Variants in CMTM6 observed in about 807,000 individuals in gnomAD.
CMTM6 encodes CKLF-like MARVEL transmembrane domain-containing protein 6.
In CMTM6, 5 loss-of-function variants were observed where a neutral mutation model predicts 13.6. That is an observed-to-expected ratio of 0.37 (90% confidence interval 0.19 to 0.77). CMTM6 has a LOEUF of 0.77. Among genes scored for constraint, CMTM6 ranks in the 30% least tolerant of loss-of-function variants. The pLI is 0.50. For missense variants in CMTM6, 196 were observed against 218.6 expected, an observed-to-expected ratio of 0.90 and a Z score of 0.65; for synonymous variants, 99 against 84.5, an observed-to-expected ratio of 1.17 and a Z score of -0.94.
rs1371896237 is a variant in CMTM6 at position 32,499,404 on chromosome 3, T to C, written c.138+3204A>G. On this transcript the variant is annotated intron_variant, in intron 1 of 3. Coordinates refer to ENST00000205636, the MANE Select transcript of CMTM6 (RefSeq NM_017801.3). ...GCCAGATGAGCGACTAGAATTCCAG[T>C]ACTGTGCAGCTATCAGGATAGTCAA... Among the ~76,000 whole-genome samples the C allele has an allele frequency of 2.6e-5, 4 of 152,212 alleles. No homozygotes were observed. The East Asian group carries it at 7.7e-4, about 29-fold the overall frequency.
intron 1 of CMTM6, among the ~76,000 whole-genome samples, chr3:32,501,864 C>G (rs1175710795): frequency 6.6e-6 from 1 of 152,214 alleles, no homozygotes; most frequent in Non-Finnish European, 1.5e-5. Context: ...GCCAACACGA[C>G]TGTAAAGTGA....
rs114981531 is a variant in CMTM6 at position 32,485,201 on chromosome 3, A to T, written c.415-1104T>A. On this transcript the variant is annotated intron_variant, in intron 3 of 3. Coordinates refer to ENST00000205636, the MANE Select transcript of CMTM6 (RefSeq NM_017801.3). The stretch of plus-strand genomic sequence containing the variant: ...CTCTGATCACCACAAGTCATCTTCT[A>T]GCTCTTTTGTTCACACACTTCTGAA... Among the ~76,000 whole-genome samples the T allele has an allele frequency of 6.7e-3, 1,012 of 151,864 alleles. 16 individuals carry two copies. Among genetic ancestry groups the T allele is most frequent in the African/African-American group, 0.023 (964 of 41,386 alleles).
chr3:32,488,235 G>A (rs1453394666), intron 2 of CMTM6, 199 bp from the exon 3 acceptor site: 1 of 479,032 alleles, frequency 2.1e-6, no homozygotes. Flanking sequence ...TATCCACACT[G>A]GGCTGGGATT....
intron 2 of CMTM6, among the ~76,000 whole-genome samples, chr3:32,491,359 A>G (rs1365001941): frequency 6.6e-6 from 1 of 152,260 alleles, no homozygotes; most frequent in Non-Finnish European, 1.5e-5. Context: ...AATGCCTGGC[A>G]TATAATAAAG....
intron 1 of CMTM6, among the ~76,000 whole-genome samples, chr3:32,494,483 A>AT (rs1215433045): frequency 6.6e-6 from 1 of 152,236 alleles, no homozygotes; most frequent in African/African-American, 2.4e-5. Flanking sequence ...AACTAAGCAT[A>AT]TATCTACCAT....
chr3:32,485,357 T>C (rs1484029436), intron 3 of CMTM6, among the ~76,000 whole-genome samples: 1 of 152,106 alleles, frequency 6.6e-6, no homozygotes, highest in Non-Finnish European at 1.5e-5. Context: ...CTATTAAATA[T>C]ATCCAATGAA....
At chr3:32,491,689 A>G in intron 2 of CMTM6, 21 bp downstream of exon 2, 1 of 1,570,560 alleles carries the variant, frequency 6.4e-7, no homozygotes, top group South Asian at 1.2e-5. Context: ...TAATACAGGG[A>G]TGATATTTTC....
Position 32,491,893 on chromosome 3 carries a change from A to G in CMTM6, c.139-7T>C, listed in dbSNP as rs763077724. 2 of 1,597,550 alleles carry G rather than the reference A, an allele frequency of 1.3e-6. No individual in the cohort carries two copies. Among genetic ancestry groups the G allele is most frequent in the South Asian group, 1.1e-5 (1 of 89,094 alleles). ...AGGCCAGCAGAGACAGCAACTACAA[A>G]TGAAGCAAAACATTTTACTTAAGTG... On this transcript the variant is annotated splice_region_variant and splice_polypyrimidine_tract_variant and intron_variant, in intron 1 of 3. Coordinates refer to ENST00000205636, the MANE Select transcript of CMTM6 (RefSeq NM_017801.3).
At chr3:32,497,370 G>A (rs528346865) in intron 1 of CMTM6, among the ~76,000 whole-genome samples, 34 of 126,862 alleles carry the variant, frequency 2.7e-4, no homozygotes, top group Admixed American at 7.3e-4. Flanking sequence ...GGGCAACAGC[G>A]AGACTCTGTC....
intron 1 of CMTM6, among the ~76,000 whole-genome samples, chr3:32,496,172 G>C (rs903243639): frequency 6.8e-6 from 1 of 147,748 alleles, no homozygotes; most frequent in Admixed American, 6.9e-5. Flanking sequence ...CTACACTCCA[G>C]CCTGGGTGAC....
chr3:32,502,730 C>G lies in CMTM6; in HGVS notation c.16G>C (p.Val6Leu). 6.7e-7 allele frequency: 1 copy of G among 1,503,182 alleles called. No homozygotes were observed. The highest frequency in any genetic ancestry group is 8.9e-7 in the Non-Finnish European group (1 of 1,129,410). The allele number at this position is 1,503,182 out of a possible 1,614,324, so 93.1% of individuals were successfully genotyped here. A position where few individuals can be genotyped will look rare whatever the true frequency, so the allele number is the denominator to read the frequency against. Residue 6 changes from valine to leucine, a missense_variant, in exon 1 of 4, where the codon GTG becomes CTG. Val to Leu is a conservative substitution (Grantham distance 32). Around this residue, in one of 2 missense-constraint regions of CMTM6, gnomAD observed 85 missense variants for 58.7 expected, o/e 1.45. Transcript: ENST00000205636. ...TCCTCCTCCGTAGTGGGGCTGTACACCGCTCCGTTCTCCATCGCCTCGGGC... is the reference window on the plus strand; with the variant it reads ...TCCTCCTCCGTAGTGGGGCTGTACAGCGCTCCGTTCTCCATCGCCTCGGGC... MENGA[V>L]YSPTTEEDPG...
intron 3 of CMTM6, among the ~76,000 whole-genome samples, chr3:32,486,056 TTAG>T (rs1171352480): frequency 6.6e-6 from 1 of 152,182 alleles, no homozygotes; most frequent in Non-Finnish European, 1.5e-5. Context: ...TTTTGTATTT[TTAG>T]TAGAGACAAG....
intron 2 of CMTM6, among the ~76,000 whole-genome samples, chr3:32,489,191 A>G (rs895004494): frequency 2.0e-5 from 3 of 146,900 alleles, no homozygotes; most frequent in Non-Finnish European, 4.4e-5. Context: ...AATCACTTGA[A>G]CCCAGGAGGC....
At chr3:32,485,336 ACTAC>A (rs551902900) in intron 3 of CMTM6, among the ~76,000 whole-genome samples, 1 of 152,094 alleles carries the variant, frequency 6.6e-6, no homozygotes, top group African/African-American at 2.4e-5. Context: ...AGCTTTTTAA[ACTAC>A]CTGTCACTAT....
chr3:32,484,973 A>C (rs1697190105), intron 3 of CMTM6, among the ~76,000 whole-genome samples: 1 of 152,066 alleles, frequency 6.6e-6, no homozygotes, highest in South Asian at 2.1e-4. Flanking sequence ...AAATTCATTA[A>C]GTCCCCCAGA....
At chr3:32,499,274 C>T (rs2125659906) in intron 1 of CMTM6, among the ~76,000 whole-genome samples, 1 of 152,256 alleles carries the variant, frequency 6.6e-6, no homozygotes, top group East Asian at 1.9e-4. Context: ...AAAAGAGCAT[C>T]AATATAAGAA....
At chr3:32,495,331 G>C (rs527788904) in intron 1 of CMTM6, among the ~76,000 whole-genome samples, 12 of 152,238 alleles carry the variant, frequency 7.9e-5, no homozygotes, top group Non-Finnish European at 1.6e-4. Flanking sequence ...AGGATATAAA[G>C]TGACAACACC....
intron 1 of CMTM6, among the ~76,000 whole-genome samples, chr3:32,498,062 A>C (rs145073743): frequency 0.014 from 2,187 of 152,296 alleles, 26 homozygotes; most frequent in Non-Finnish European, 0.021. Context: ...AATAGCATGA[A>C]GTCATCATAC....
At chr3:32,498,915 T>G (rs1213510257) in intron 1 of CMTM6, among the ~76,000 whole-genome samples, 1 of 152,066 alleles carries the variant, frequency 6.6e-6, no homozygotes, top group East Asian at 1.9e-4. Flanking sequence ...CAAGTGTTCC[T>G]TAAAACGGTC....
Sources: allele counts gnomAD v4.1 joint callset (sites outside exome capture counted in the v4.1 genomes callset), GRCh38; gene constraint gnomAD v4.1.1; regional missense constraint gnomAD v4.1.1; transcripts MANE v1.5; gene names NCBI Gene and HGNC (gene_info 2026-07-23, HGNC 2026-07-21).